GRAMD1B: variants seen among roughly 807,000 people sequenced by gnomAD.
The protein encoded by GRAMD1B is protein Aster-B.
A neutral mutation model predicts 99.7 loss-of-function variants in GRAMD1B; 37 were observed. The ratio of observed to expected loss-of-function variants is 0.37; its 90% CI spans 0.29 to 0.49. GRAMD1B has a LOEUF of 0.49. Ranked by LOEUF, GRAMD1B falls within the 20% of genes least tolerant of loss-of-function variation. The pLI is 0.98. For missense variants in GRAMD1B, 888 were observed against 1,009.2 expected (o/e 0.88, Z 1.63); for synonymous variants, 427 against 387.6 (o/e 1.10, Z -1.19).
rs1351709340 is a variant in GRAMD1B, at chr11:123,600,492, C to T, written c.994C>T (p.Arg332Trp). 1 of 1,610,064 alleles carries T rather than the reference C, an allele frequency of 6.2e-7. No individual in the cohort carries two copies. The highest frequency in any genetic ancestry group is 8.5e-7 in the Non-Finnish European group (1 of 1,177,188). Residue 332 changes from arginine (R) to tryptophan (W), a missense_variant, in exon 8 of 20, where the codon CGG becomes TGG. Around this residue, in one of 5 missense-constraint regions of GRAMD1B, gnomAD observed 269 missense variants for 296.6 expected, o/e 0.91. Transcript: ENST00000635736. Reference protein sequence around the residue: ...EKHFFTSFGARDRTYMMMFRL... With the variant: ...EKHFFTSFGAWDRTYMMMFRL... ...GCACTTCTTCACTTCGTTTGGGGCC[C>T]GGGATAGGACATATATGATGATGTT...
At chr11:123,512,886 T>C (rs1425607759) in intron 2 of GRAMD1B, among the ~76,000 whole-genome samples, 1 of 151,472 alleles carries the variant, frequency 6.6e-6, no homozygotes, top group Non-Finnish European at 1.5e-5. Context: ...CTGGGGAGAG[T>C]ATCCTTGGCT....
chr11:123,460,939 C>G (rs1208419059), intron 1 of GRAMD1B, among the ~76,000 whole-genome samples: 1 of 152,138 alleles, frequency 6.6e-6, no homozygotes, highest in Non-Finnish European at 1.5e-5. Flanking sequence ...CGCCTCTTTC[C>G]TGGGCCGTCC....
chr11:123,621,617 G>T (rs532128986), intron 19 of GRAMD1B, among the ~76,000 whole-genome samples: 1 of 152,228 alleles, frequency 6.6e-6, no homozygotes, highest in African/African-American at 2.4e-5. Flanking sequence ...CTTAGCAGAC[G>T]GGTGACACTG....
intron 1 of GRAMD1B, among the ~76,000 whole-genome samples, chr11:123,449,640 T>C (rs1214681322): frequency 1.3e-5 from 2 of 151,840 alleles, no homozygotes; most frequent in Admixed American, 6.6e-5. Context: ...GCTGGTGAGA[T>C]ATTGACTCAC....
At chr11:123,557,046 T>C (rs1460901755) in intron 2 of GRAMD1B, among the ~76,000 whole-genome samples, 6 of 152,358 alleles carry the variant, frequency 3.9e-5, no homozygotes, top group Non-Finnish European at 7.3e-5. Flanking sequence ...TACTACTTAA[T>C]AACCATGTAC....
At chr11:123,453,642 C>T (rs1306590497) in intron 1 of GRAMD1B, among the ~76,000 whole-genome samples, 1 of 152,090 alleles carries the variant, frequency 6.6e-6, no homozygotes, top group Non-Finnish European at 1.5e-5. Context: ...TTTTTTAAAC[C>T]TGGATATTCC....
At chr11:123,598,747 C>A in intron 7 of GRAMD1B, 2 of 898,032 alleles carry the variant, frequency 2.2e-6, no homozygotes, top group Non-Finnish European at 3.8e-6. Context: ...TGCGTCAGAG[C>A]ACTGCTTGTC....
intron 2 of GRAMD1B, among the ~76,000 whole-genome samples, chr11:123,506,647 A>G (rs996794673): frequency 1.3e-5 from 2 of 152,204 alleles, no homozygotes; most frequent in African/African-American, 4.8e-5. Flanking sequence ...TAGAGAAACT[A>G]TTTATCTTAT....
chr11:123,551,108 G>A (rs1945562739), intron 2 of GRAMD1B, among the ~76,000 whole-genome samples: 1 of 152,220 alleles, frequency 6.6e-6, no homozygotes. Flanking sequence ...TCACGCACCT[G>A]CTTTAGCCAA....
intron 1 of GRAMD1B, among the ~76,000 whole-genome samples, chr11:123,458,213 G>T (rs1015523540): frequency 2.6e-5 from 4 of 152,178 alleles, no homozygotes; most frequent in South Asian, 4.1e-4. Flanking sequence ...TGGTAGCGTG[G>T]CTCAGTCCAA....
chr11:123,367,685 AT>A (rs1286814423), intron 1 of GRAMD1B, among the ~76,000 whole-genome samples: 10 of 147,830 alleles, frequency 6.8e-5, no homozygotes, highest in East Asian at 2.0e-4. Context: ...AGGCAACACC[AT>A]TTTTTTTTCT....
Position 123,492,357 on chromosome 11 carries a change from A to G in GRAMD1B, c.452+11464A>G, listed in dbSNP as rs1362668511. Among the ~76,000 whole-genome samples, 2 of 152,100 alleles carry G rather than the reference A, an allele frequency of 1.3e-5. No individual in the cohort carries two copies. The highest frequency in any genetic ancestry group is 2.9e-5 in the Non-Finnish European group (2 of 68,022). On this transcript the variant is annotated intron_variant, in intron 2 of 19. Transcript: ENST00000635736. This position sits in a 1 kb window ranked among gnomAD's most constrained non-coding sequence, Gnocchi z 4.2. Reference sequence around the variant, plus strand: ...GTGTGGATCATTCTCTTCCACTTACAGAGACCTAAGCAGTAGGTGTTTGGG... The same window carrying G: ...GTGTGGATCATTCTCTTCCACTTACGGAGACCTAAGCAGTAGGTGTTTGGG...
rs565976740 is a variant in GRAMD1B at position 123,403,452 on chromosome 11, A to G, written c.-176+44653A>G. 6.1e-5 allele frequency among the ~76,000 whole-genome samples: 3 copies of G among 49,460 alleles called. No homozygotes were observed. In the South Asian group the frequency reaches 1.5e-3, roughly 25 times the overall value. 32.4% of individuals were successfully genotyped at this position (49,460 alleles called of 152,430 possible). Reference sequence around the variant, plus strand: ...CAAAATAATGATGATGATGATGATAATAATAATAATAATAATAATAATAAT... The same window carrying G: ...CAAAATAATGATGATGATGATGATAGTAATAATAATAATAATAATAATAAT... On this transcript the variant is annotated intron_variant, in intron 1 of 20. Transcript: ENST00000638157.
intron 2 of GRAMD1B, among the ~76,000 whole-genome samples, chr11:123,552,738 C>T (rs1446372426): frequency 2.0e-5 from 3 of 152,126 alleles, no homozygotes; most frequent in African/African-American, 4.8e-5. Context: ...CAGGTGTGCT[C>T]ATTATCTCTT....
At chr11:123,466,883 T>G (rs576725678) in intron 1 of GRAMD1B, among the ~76,000 whole-genome samples, 2 of 152,314 alleles carry the variant, frequency 1.3e-5, no homozygotes, top group South Asian at 4.1e-4. Context: ...AAGTAGTGAT[T>G]GAGGCCAAGG....
intron 7 of GRAMD1B, 111 bp from the exon 8 acceptor site, chr11:123,600,357 T>C: frequency 1.5e-6 from 1 of 666,854 alleles, no homozygotes; most frequent in Non-Finnish European, 2.6e-6. Context: ...TGAGAGTCAT[T>C]AGTGTTTGAG....
At chr11:123,455,075 G>T (rs1390655272) in intron 1 of GRAMD1B, among the ~76,000 whole-genome samples, 1 of 152,128 alleles carries the variant, frequency 6.6e-6, no homozygotes, top group Non-Finnish European at 1.5e-5. Context: ...AGTATTGTTT[G>T]AATATGTACT....
intron 3 of GRAMD1B, 22 bp from the exon 4 acceptor site, chr11:123,584,290 C>T: frequency 1.1e-6 from 1 of 947,060 alleles, no homozygotes; most frequent in Non-Finnish European, 1.4e-6. Context: ...ATTCTACCTT[C>T]TCTTTCATTT....
intron 1 of GRAMD1B, among the ~76,000 whole-genome samples, chr11:123,446,699 G>A (rs1391331244): frequency 1.3e-5 from 2 of 152,142 alleles, no homozygotes; most frequent in African/African-American, 2.4e-5. Context: ...CTCAGGAGAG[G>A]TAATTCTCAC....
Sources: gnomAD v4.1 joint callset for allele counts (sites outside exome capture counted in the v4.1 genomes callset) on GRCh38, gnomAD v4.1.1 for gene constraint, gnomAD v4.1.1 regional missense constraint, Gnocchi (gnomAD v3.1) non-coding constraint, MANE v1.5 for transcripts, NCBI Gene and HGNC (gene_info 2026-07-23, HGNC 2026-07-21) for gene names.